Variants in ACTN1 observed in about 807,000 individuals in gnomAD.
ACTN1 encodes the protein alpha-actinin-1.
Under a neutral mutation model 119.6 loss-of-function variants are expected in ACTN1, and 30 were observed. That is an observed-to-expected ratio of 0.25 (90% CI 0.19 to 0.34). The LOEUF (loss-of-function observed/expected upper bound fraction) is 0.34. Ranked by LOEUF, ACTN1 falls within the 10% of genes least tolerant of loss-of-function variation. ACTN1 has a pLI of 1.00. For missense variants in ACTN1, 764 were observed against 1,223.4 expected, an observed-to-expected ratio of 0.62 and a Z score of 5.60; for synonymous variants, 429 against 472.6, an observed-to-expected ratio of 0.91 and a Z score of 1.20.
At chr14:68,954,468 C>T (rs1431111567) in intron 1 of ACTN1, among the ~76,000 whole-genome samples, 2 of 152,136 alleles carry the variant, frequency 1.3e-5, no homozygotes, top group Non-Finnish European at 2.9e-5. Context: ...GCTGGGATTA[C>T]AGGCACCCGC....
chr14:68,880,234 G>A lies in ACTN1; in HGVS notation c.2134-126C>T. 1 of 1,173,420 alleles carries A rather than the reference G, an allele frequency of 8.5e-7. No homozygotes were observed. The highest frequency in any genetic ancestry group is 1.2e-6 in the Non-Finnish European group (1 of 844,530). The allele number at this position is 1,173,420 out of a possible 1,614,324, so 72.7% of individuals were successfully genotyped here. On this transcript the variant is annotated intron_variant, in intron 17 of 21. Transcript: ENST00000394419. The surrounding 1 kb of genome is among the most constrained non-coding windows in gnomAD (Gnocchi z 4.6). ...ATCAAACTTGGCCTTCTGTGTGGCT[G>A]AGTGTCACCAGAGGAAGGGGAACCA...
chr14:68,884,367 C>T (rs985486942), intron 13 of ACTN1, 59 bp from the exon 14 acceptor site: 10 of 1,555,778 alleles, frequency 6.4e-6, no homozygotes, highest in Non-Finnish European at 8.7e-6. Context: ...ATCCCCCACT[C>T]CTATCAAGAT....
At position 68,880,659 on chromosome 14, in the gene ACTN1, G is replaced by A. The variant is rs1437795279; in HGVS notation, c.2133+151C>T. 2 of 748,492 alleles carry A rather than the reference G, an allele frequency of 2.7e-6. No homozygotes were observed. The highest frequency in any genetic ancestry group is 4.4e-6 in the Non-Finnish European group (2 of 458,298). The allele number at this position is 748,492 out of a possible 1,614,324, so 46.4% of individuals were successfully genotyped here. On this transcript the variant is annotated intron_variant, in intron 17 of 21. Coordinates refer to ENST00000394419, the MANE Select transcript of ACTN1 (RefSeq NM_001130004.2). The surrounding 1 kb of genome is among the most constrained non-coding windows in gnomAD (Gnocchi z 4.6). ...TCTCAACACATTCCTTGGGAAAGCA[G>A]AAGGTACTAAAAATTGAAGATGTGA...
intron 6 of ACTN1, 96 bp from the exon 7 acceptor site, chr14:68,904,832 G>C: frequency 9.8e-7 from 1 of 1,019,574 alleles, no homozygotes; most frequent in Non-Finnish European, 1.5e-6. Context: ...GGGGAGCAGA[G>C]CGACTTTCTC....
In ACTN1 at chr14:68,880,289, C is replaced by T. The variant is rs1281859969; in HGVS notation, c.2134-181G>A. On this transcript the variant is annotated intron_variant, in intron 17 of 21. Coordinates refer to ENST00000394419, the MANE Select transcript of ACTN1 (RefSeq NM_001130004.2). This position sits in a 1 kb window ranked among gnomAD's most constrained non-coding sequence, Gnocchi z 4.6. ...AAGGACAACCTACTAGGACAAGGAC[C>T]CTAGATGACCAAGGGGCAGGGTGGC... Among the ~76,000 whole-genome samples, 1 of 152,136 alleles carries T rather than the reference C, an allele frequency of 6.6e-6. No homozygotes were observed. The highest frequency in any genetic ancestry group is 6.5e-5 in the Admixed American group (1 of 15,274).
intron 4 of ACTN1, among the ~76,000 whole-genome samples, chr14:68,910,516 A>T (rs2033941917): frequency 6.6e-6 from 1 of 152,200 alleles, no homozygotes; most frequent in Admixed American, 6.5e-5. Context: ...TCTAAAAAAT[A>T]AGGTTTCCTT....
At chr14:68,903,600 C>A (rs187611085) in intron 7 of ACTN1, among the ~76,000 whole-genome samples, 257 of 151,886 alleles carry the variant, frequency 1.7e-3, no homozygotes, top group African/African-American at 5.9e-3. Flanking sequence ...CCACCGTGGT[C>A]TTTTCCTGTC....
rs2031662518 is a variant in ACTN1 at position 68,882,697 on chromosome 14, G to T, written c.1819-105C>A. Reference sequence around the variant, plus strand: ...GAAGGGGAAGGGCCGGTCAGTAACAGAACAGGAGTAAAGGTGTCAACCTGT... The same window carrying T: ...GAAGGGGAAGGGCCGGTCAGTAACATAACAGGAGTAAAGGTGTCAACCTGT... On this transcript the variant is annotated intron_variant, in intron 15 of 21. Transcript: ENST00000394419. This position sits in a 1 kb window ranked among gnomAD's most constrained non-coding sequence, Gnocchi z 4.5. 8 of 1,552,264 alleles carry T rather than the reference G, an allele frequency of 5.2e-6. No homozygotes were observed. The highest frequency in any genetic ancestry group is 7.0e-6 in the Non-Finnish European group (8 of 1,140,234).
intron 3 of ACTN1, among the ~76,000 whole-genome samples, chr14:68,917,803 C>A (rs1008618415): frequency 1.5e-4 from 23 of 152,174 alleles, no homozygotes; most frequent in African/African-American, 5.5e-4. Context: ...TGGTGGCTTG[C>A]GCCTGTAATC....
chr14:68,936,012 A>G (rs570467325), intron 1 of ACTN1, among the ~76,000 whole-genome samples: 3 of 152,354 alleles, frequency 2.0e-5, no homozygotes, highest in African/African-American at 7.2e-5. Context: ...TGGCTCAGCC[A>G]GGCGTGTGAC....
At chr14:68,977,618 C>T (rs2037103270) in intron 1 of ACTN1, 1 of 274,596 alleles carries the variant, frequency 3.6e-6, no homozygotes, top group Non-Finnish European at 7.2e-6. Context: ...CGTTTCAGGG[C>T]CTAGGATTCC....
intron 1 of ACTN1, among the ~76,000 whole-genome samples, chr14:68,967,889 C>T (rs537817171): frequency 1.3e-5 from 2 of 152,368 alleles, no homozygotes; most frequent in South Asian, 4.1e-4. Flanking sequence ...TCTTGCAGAG[C>T]ACAGCCAGCT....
At position 68,909,408 on chromosome 14, in the gene ACTN1, G is replaced by GA. The variant is rs2033863130; in HGVS notation, c.516-13dup. The GA allele has an allele frequency of 6.2e-7, 1 of 1,613,842 alleles. No homozygotes were observed. Among genetic ancestry groups the GA allele is most frequent in the Non-Finnish European group, 8.5e-7 (1 of 1,179,892 alleles). ...GGCCATCCTTCCAGCTGCCCGGGGA[G>GA]AGAGAAGAAGGAGCAGGCTGGTAAA... On this transcript the variant is annotated splice_polypyrimidine_tract_variant and intron_variant, in intron 5 of 21. Coordinates refer to ENST00000394419, the MANE Select transcript of ACTN1 (RefSeq NM_001130004.2). The surrounding 1 kb of genome is among the most constrained non-coding windows in gnomAD (Gnocchi z 4.1).
intron 1 of ACTN1, among the ~76,000 whole-genome samples, chr14:68,932,703 A>T (rs2035281656): frequency 6.6e-6 from 1 of 151,940 alleles, no homozygotes; most frequent in Non-Finnish European, 1.5e-5. Context: ...CAAGGGTCAC[A>T]CACGCCAAGG....
At chr14:68,934,161 A>G (rs1016347958) in intron 1 of ACTN1, among the ~76,000 whole-genome samples, 2 of 152,214 alleles carry the variant, frequency 1.3e-5, no homozygotes, top group Non-Finnish European at 2.9e-5. Flanking sequence ...TAAGTCTGCT[A>G]ATAAAGTTAC....
At position 68,879,095 on chromosome 14, in the gene ACTN1, G is replaced by A. The variant is rs1278748279; in HGVS notation, c.2281-26C>T. 3.8e-6 allele frequency: 6 copies of A among 1,583,262 alleles called. No individual in the cohort carries two copies. The highest frequency in any genetic ancestry group is 5.2e-6 in the Non-Finnish European group (6 of 1,162,302). On this transcript the variant is annotated intron_variant, in intron 18 of 21. Transcript: ENST00000394419. This position sits in a 1 kb window ranked among gnomAD's most constrained non-coding sequence, Gnocchi z 4.9. ...CTGGGGCCGCGGTGCGCCAGGCAGCGAGCCATGCGGTGTCAGGGAGGTGGA... is the reference window on the plus strand; with the variant it reads ...CTGGGGCCGCGGTGCGCCAGGCAGCAAGCCATGCGGTGTCAGGGAGGTGGA...
At chr14:68,941,097 A>G (rs1371698563) in intron 1 of ACTN1, among the ~76,000 whole-genome samples, 2 of 152,214 alleles carry the variant, frequency 1.3e-5, no homozygotes, top group African/African-American at 4.8e-5. Context: ...GAGGCCCCAG[A>G]GGACGAATTA....
At chr14:68,935,378 T>C (rs1023696868) in intron 1 of ACTN1, among the ~76,000 whole-genome samples, 3 of 140,110 alleles carry the variant, frequency 2.1e-5, no homozygotes, top group Admixed American at 7.4e-5. Context: ...GTCAGAGAGC[T>C]CTCTGTTCAT....
Position 68,892,185 on chromosome 14 carries a change from G to T in ACTN1, c.954C>A (p.Asp318Glu). 2 of 1,614,222 alleles carry T rather than the reference G, an allele frequency of 1.2e-6. No homozygotes were observed. Among genetic ancestry groups the T allele is most frequent in the Non-Finnish European group, 1.7e-6 (2 of 1,180,056 alleles). Residue 318 changes from aspartate (D) to glutamate (E), a missense_variant, in exon 10 of 22, where the codon GAC (aspartate) becomes GAA (glutamate). Coordinates refer to ENST00000394419, the MANE Select transcript of ACTN1 (RefSeq NM_001130004.2). ...TGGGCGGCTTGTGCAGGCGCCGGTA[G>T]TCCCGGAAGTCCTCCAGCTTCTGTT... Reference protein sequence around the residue: ...AMQQKLEDFRDYRRLHKPPKV... With the variant: ...AMQQKLEDFREYRRLHKPPKV...
Sources: gnomAD v4.1 joint callset for allele counts (sites outside exome capture counted in the v4.1 genomes callset) on GRCh38, gnomAD v4.1.1 for gene constraint, Gnocchi (gnomAD v3.1) non-coding constraint, MANE v1.5 for transcripts, NCBI Gene and HGNC (gene_info 2026-07-23, HGNC 2026-07-21) for gene names.